The following KPNA3 variants were observed in gnomAD, a reference collection of about 807,000 sequenced individuals.
KPNA3 encodes the protein importin subunit alpha-4.
A neutral mutation model predicts 73.8 loss-of-function variants in KPNA3; 13 were observed. The observed-to-expected ratio is 0.18, with a 90% CI of 0.11 to 0.28. The LOEUF is 0.28. Ranked by LOEUF, KPNA3 falls within the 10% of genes least tolerant of loss-of-function variation. The pLI, the probability that KPNA3 is intolerant of heterozygous loss-of-function variation, is 1.00. For missense variants in KPNA3, 360 were observed against 618.1 expected (o/e 0.58, Z 4.43); for synonymous variants, 186 against 206.9 (o/e 0.90, Z 0.87).
chr13:49,781,159 A>G (rs1360023402), intron 1 of KPNA3, among the ~76,000 whole-genome samples: 1 of 152,166 alleles, frequency 6.6e-6, no homozygotes, highest in East Asian at 1.9e-4. Context: ...GCCTTCAGTG[A>G]CTTACCCAGG....
At chr13:49,728,323 T>C (rs990544712) in intron 6 of KPNA3, among the ~76,000 whole-genome samples, 18 of 151,616 alleles carry the variant, frequency 1.2e-4, no homozygotes, top group Non-Finnish European at 5.9e-5. Flanking sequence ...AAAAGATTAA[T>C]CTTGGTCGTG....
intron 6 of KPNA3, among the ~76,000 whole-genome samples, chr13:49,730,376 T>C (rs1176831876): frequency 1.3e-5 from 2 of 150,996 alleles, no homozygotes; most frequent in East Asian, 3.9e-4. Flanking sequence ...ATACTAAAAA[T>C]ACAAAAATTA....
chr13:49,701,411 C>A lies in KPNA3; in HGVS notation c.*389G>T. ...TCTTTAGTCTTCCAACTTGTATATG[C>A]ATCATACCAAAGTGTCTTGATCCAC... is the stretch of plus-strand genomic sequence containing the variant. On this transcript the variant is annotated 3_prime_UTR_variant, in exon 17 of 17. Transcript: ENST00000261667. 4.4e-6 allele frequency: 2 copies of A among 457,062 alleles called. No homozygotes were observed. Among genetic ancestry groups the A allele is most frequent in the South Asian group, 1.6e-5 (1 of 61,730 alleles). The allele number at this position is 457,062 out of a possible 1,614,324, so 28.3% of individuals were successfully genotyped here.
At chr13:49,761,615 T>C in intron 1 of KPNA3, among the ~76,000 whole-genome samples, 1 of 152,188 alleles carries the variant, frequency 6.6e-6, no homozygotes, top group Non-Finnish European at 1.5e-5. Flanking sequence ...GCCGCCTGCC[T>C]TGGCCTCCCA....
At chr13:49,775,180 A>AAAAAAG (rs1954887773) in intron 1 of KPNA3, among the ~76,000 whole-genome samples, 4 of 127,266 alleles carry the variant, frequency 3.1e-5, no homozygotes, top group Non-Finnish European at 6.2e-5. Context: ...AAAAAAAAAA[A>AAAAAAG]AAAAAAGAAA....
chr13:49,705,883 A>G, intron 14 of KPNA3, 100 bp from the exon 15 acceptor site: 1 of 1,160,858 alleles, frequency 8.6e-7, no homozygotes. Flanking sequence ...GGCTATCTTG[A>G]GCCCAGGAGT....
At chr13:49,722,589 A>G in intron 7 of KPNA3, 26 bp from the exon 8 acceptor site, 1 of 1,392,528 alleles carries the variant, frequency 7.2e-7, no homozygotes, top group South Asian at 1.2e-5. Flanking sequence ...ACTAATATTT[A>G]TACTAGCAAC....
At chr13:49,770,066 T>A (rs1207811526) in intron 1 of KPNA3, among the ~76,000 whole-genome samples, 1 of 152,174 alleles carries the variant, frequency 6.6e-6, no homozygotes, top group Non-Finnish European at 1.5e-5. Context: ...TGCCCCTTTT[T>A]AAACTAGACT....
chr13:49,792,665 G>A lies in KPNA3; in HGVS notation c.-159C>T, dbSNP rs1487191255. 6 of 520,276 alleles carry A rather than the reference G, an allele frequency of 1.2e-5. No individual in the cohort carries two copies. The highest frequency in any genetic ancestry group is 2.1e-5 in the African/African-American group (1 of 48,290). 32.2% of individuals were successfully genotyped at this position (520,276 alleles called of 1,614,324 possible). A position where few individuals can be genotyped will look rare whatever the true frequency, so the allele number is the denominator to read the frequency against. ...GAGCGCGAGGTGGCAGTAGCGCCGGGGGAGGCGCGGGCCGACTGCCGGGCC... is the reference window on the plus strand; with the variant it reads ...GAGCGCGAGGTGGCAGTAGCGCCGGAGGAGGCGCGGGCCGACTGCCGGGCC... On this transcript the variant is annotated 5_prime_UTR_variant, in exon 1 of 17. Coordinates refer to ENST00000261667, the MANE Select transcript of KPNA3 (RefSeq NM_002267.4).
At chr13:49,718,416 G>A (rs2137541594) in intron 10 of KPNA3, among the ~76,000 whole-genome samples, 1 of 152,240 alleles carries the variant, frequency 6.6e-6, no homozygotes, top group South Asian at 2.1e-4. Context: ...ACAGTACACT[G>A]CCACTTTAAT....
intron 10 of KPNA3, among the ~76,000 whole-genome samples, chr13:49,714,941 T>A (rs1266258660): frequency 6.6e-6 from 1 of 152,028 alleles, no homozygotes; most frequent in East Asian, 1.9e-4. Flanking sequence ...TAACATATAA[T>A]GATCAAGTGA....
At chr13:49,779,844 A>G (rs1044501130) in intron 1 of KPNA3, among the ~76,000 whole-genome samples, 8 of 152,122 alleles carry the variant, frequency 5.3e-5, no homozygotes, top group African/African-American at 1.9e-4. Context: ...TGGCCCCCAA[A>G]GAGCAAATAC....
rs1351910774 is a variant in KPNA3, at chr13:49,700,518, T to TA, written c.*1281dup. On this transcript the variant is annotated 3_prime_UTR_variant, in exon 17 of 17. Coordinates refer to ENST00000261667, the MANE Select transcript of KPNA3 (RefSeq NM_002267.4). ...TAATACCGGATTTTGCAGAATTACTTAGAGATCACTGCAAATCAGGTTTAT... is the reference window on the plus strand; with the variant it reads ...TAATACCGGATTTTGCAGAATTACTTAAGAGATCACTGCAAATCAGGTTTAT... The TA allele has an allele frequency of 1.3e-5, 2 of 152,668 alleles. No homozygotes were observed. Among genetic ancestry groups the TA allele is most frequent in the African/African-American group, 2.4e-5 (1 of 41,470 alleles). The allele number at this position is 152,668 out of a possible 1,614,324, so 9.5% of individuals were successfully genotyped here. A position where few individuals can be genotyped will look rare whatever the true frequency, so the allele number is the denominator to read the frequency against.
At chr13:49,769,209 TC>T (rs1954834093) in intron 1 of KPNA3, among the ~76,000 whole-genome samples, 1 of 152,198 alleles carries the variant, frequency 6.6e-6, no homozygotes, top group African/African-American at 2.4e-5. Flanking sequence ...CTACATAAAC[TC>T]CATTCTGAAA....
intron 1 of KPNA3, among the ~76,000 whole-genome samples, chr13:49,755,150 A>C (rs1334172782): frequency 6.6e-6 from 1 of 152,200 alleles, no homozygotes; most frequent in Non-Finnish European, 1.5e-5. Context: ...GTTACCAACT[A>C]GAAGTCACTA....
intron 1 of KPNA3, among the ~76,000 whole-genome samples, chr13:49,785,756 A>G (rs993675046): frequency 7.9e-6 from 1 of 126,106 alleles, no homozygotes; most frequent in Admixed American, 8.8e-5. Flanking sequence ...TGAATTCATG[A>G]AAAAAAAAAA....
intron 1 of KPNA3, among the ~76,000 whole-genome samples, chr13:49,782,191 G>C (rs2137604697): frequency 1.3e-5 from 2 of 152,264 alleles, no homozygotes; most frequent in South Asian, 4.1e-4. Flanking sequence ...GCTTCCAAAG[G>C]CCAAATCAGA....
At chr13:49,721,461 G>A (rs1476193723) in intron 9 of KPNA3, among the ~76,000 whole-genome samples, 1 of 151,992 alleles carries the variant, frequency 6.6e-6, no homozygotes, top group Non-Finnish European at 1.5e-5. Flanking sequence ...CATTCTTTCA[G>A]GTACAGTAAG....
At chr13:49,738,289 G>A (rs910893996) in intron 2 of KPNA3, among the ~76,000 whole-genome samples, 3 of 152,096 alleles carry the variant, frequency 2.0e-5, no homozygotes, top group African/African-American at 4.8e-5. Context: ...TTCATATTGC[G>A]TGAAGTAATT....
Sources: allele counts gnomAD v4.1 joint callset (sites outside exome capture counted in the v4.1 genomes callset), GRCh38; gene constraint gnomAD v4.1.1; transcripts MANE v1.5; gene names NCBI Gene and HGNC (gene_info 2026-07-23, HGNC 2026-07-21).